SCFD2: variants seen among roughly 807,000 people sequenced by gnomAD.
SCFD2 encodes sec1 family domain containing 2.
In SCFD2, 54 loss-of-function variants were observed where a neutral mutation model predicts 58.9. The observed-to-expected ratio is 0.92, with a 90% CI of 0.74 to 1.15. The LOEUF (loss-of-function observed/expected upper bound fraction) is 1.15, where lower values mean the gene tolerates loss of function less well. SCFD2 is among the 50% of genes most tolerant of loss of function. SCFD2 has a pLI of 0.00. For missense variants in SCFD2, 805 were observed against 836.6 expected (o/e 0.96, Z 0.47); for synonymous variants, 321 against 335.9 (o/e 0.96, Z 0.49).
At position 53,179,162 on chromosome 4, in the gene SCFD2, A is replaced by G. The variant is rs1050069368; in HGVS notation, c.1312-33580T>C. ...GAAATACAGAAAACACCACAAAGAT[A>G]CTCCTCAAGAGGAGCAACTCCAAGA... On this transcript the variant is annotated intron_variant, in intron 4 of 8. Coordinates refer to ENST00000401642, the MANE Select transcript of SCFD2 (RefSeq NM_152540.4). Among the ~76,000 whole-genome samples the G allele has an allele frequency of 3.3e-5, 5 of 152,306 alleles. No homozygotes were observed. The East Asian group carries it at 9.6e-4, about 29-fold the overall frequency.
intron 4 of SCFD2, among the ~76,000 whole-genome samples, chr4:53,253,907 TAAC>T (rs1249720891): frequency 6.4e-5 from 9 of 141,130 alleles, no homozygotes; most frequent in Non-Finnish European, 1.4e-4. Flanking sequence ...AAAAAAAAAA[TAAC>T]AAAGTCAAAA....
chr4:53,016,614 T>C (rs542838991), intron 5 of SCFD2, among the ~76,000 whole-genome samples: 6 of 152,342 alleles, frequency 3.9e-5, no homozygotes, highest in Admixed American at 1.3e-4. Flanking sequence ...ATATTCTTTG[T>C]ACTAGACAAA....
intron 3 of SCFD2, among the ~76,000 whole-genome samples, chr4:53,286,685 C>T (rs1731678192): frequency 6.6e-6 from 1 of 152,192 alleles, no homozygotes; most frequent in African/African-American, 2.4e-5. Flanking sequence ...TGGCACCCTA[C>T]TCTGGGCCAG....
At chr4:52,970,234 T>G (rs978436560) in intron 5 of SCFD2, among the ~76,000 whole-genome samples, 2 of 152,184 alleles carry the variant, frequency 1.3e-5, no homozygotes, top group African/African-American at 4.8e-5. Context: ...CCTCACCCGG[T>G]AAGTGCAAGG....
At position 53,147,542 on chromosome 4, in the gene SCFD2, G is replaced by A. The variant is rs143492539; in HGVS notation, c.1312-1960C>T. On this transcript the variant is annotated intron_variant, in intron 4 of 8. Coordinates refer to ENST00000401642, the MANE Select transcript of SCFD2 (RefSeq NM_152540.4). ...GGACGAGGTAAAAATGGAAAAGAAC[G>A]CAACAGAGATTTTACTGTCACATGG... Among the ~76,000 whole-genome samples the A allele has an allele frequency of 2.3e-3, 343 of 152,292 alleles. 2 individuals carry two copies. Among genetic ancestry groups the A allele is most frequent in the South Asian group, 9.3e-3 (45 of 4,830 alleles).
intron 5 of SCFD2, among the ~76,000 whole-genome samples, chr4:53,092,231 A>G (rs1263263146): frequency 6.6e-6 from 1 of 152,170 alleles, no homozygotes; most frequent in Non-Finnish European, 1.5e-5. Flanking sequence ...GTGGATTTAC[A>G]TTATAATTTG....
intron 2 of SCFD2, among the ~76,000 whole-genome samples, chr4:53,326,800 T>C (rs1334215461): frequency 6.6e-6 from 1 of 152,206 alleles, no homozygotes; most frequent in Non-Finnish European, 1.5e-5. Flanking sequence ...AAGTTGATTT[T>C]CATAGGTCCA....
intron 7 of SCFD2, 71 bp downstream of exon 7, chr4:52,907,386 G>A: frequency 6.8e-7 from 1 of 1,476,762 alleles, no homozygotes; most frequent in Non-Finnish European, 9.5e-7. Context: ...GGTTAACAGG[G>A]TGCCAGCATT....
At chr4:52,988,905 ATGAC>A (rs1275365941) in intron 5 of SCFD2, among the ~76,000 whole-genome samples, 4 of 152,206 alleles carry the variant, frequency 2.6e-5, no homozygotes, top group African/African-American at 9.7e-5. Context: ...AAAGATATGT[ATGAC>A]TATTTGCTGT....
chr4:53,058,288 T>C (rs759326796), intron 5 of SCFD2, among the ~76,000 whole-genome samples: 3 of 152,116 alleles, frequency 2.0e-5, no homozygotes, highest in Non-Finnish European at 4.4e-5. Flanking sequence ...ATTAATGTTA[T>C]ATCCCCAACT....
At chr4:53,202,554 T>A (rs1265435188) in intron 4 of SCFD2, among the ~76,000 whole-genome samples, 2 of 152,060 alleles carry the variant, frequency 1.3e-5, no homozygotes, top group Non-Finnish European at 2.9e-5. Context: ...TTTTTCCAAT[T>A]CTGTGTAGAA....
At chr4:53,144,593 C>A (rs1174973203) in intron 5 of SCFD2, among the ~76,000 whole-genome samples, 3 of 148,698 alleles carry the variant, frequency 2.0e-5, no homozygotes, top group Non-Finnish European at 4.5e-5. Context: ...TGGCAATTTC[C>A]AATCCTATAA....
rs1421019987 is a variant in SCFD2 at position 53,349,704 on chromosome 4, AT to A, written c.1007+2893del. Among the ~76,000 whole-genome samples the A allele has an allele frequency of 5.3e-5, 8 of 152,214 alleles. No individual in the cohort carries two copies. The East Asian group carries it at 1.5e-3, about 29-fold the overall frequency. On this transcript the variant is annotated intron_variant, in intron 2 of 8. Transcript: ENST00000401642. ...GTCAAGGTTAAATAAAGTGACTATA[AT>A]CAAAACATTACTTATAGGACTGAAA... is the stretch of plus-strand genomic sequence containing the variant.
At chr4:53,215,628 G>A (rs1052950164) in intron 4 of SCFD2, among the ~76,000 whole-genome samples, 4 of 151,990 alleles carry the variant, frequency 2.6e-5, no homozygotes, top group African/African-American at 9.7e-5. Context: ...CTAACTGAAT[G>A]CCCTTTATTT....
intron 5 of SCFD2, among the ~76,000 whole-genome samples, chr4:53,112,009 A>G (rs1486828901): frequency 6.6e-6 from 1 of 152,132 alleles, no homozygotes; most frequent in Non-Finnish European, 1.5e-5. Context: ...CAACAACAAC[A>G]ACAAATGAAG....
intron 4 of SCFD2, among the ~76,000 whole-genome samples, chr4:53,266,830 T>C (rs1248026828): frequency 6.6e-6 from 1 of 152,240 alleles, no homozygotes; most frequent in African/African-American, 2.4e-5. Flanking sequence ...TGAAGATGCT[T>C]TATCTCCTTC....
chr4:52,964,130 T>C (rs1720909693), intron 5 of SCFD2, among the ~76,000 whole-genome samples: 1 of 152,216 alleles, frequency 6.6e-6, no homozygotes, highest in Admixed American at 6.5e-5. Flanking sequence ...CTTAGCAATG[T>C]TCTGGGCACC....
At chr4:52,919,819 G>A (rs1361800441) in intron 6 of SCFD2, among the ~76,000 whole-genome samples, 2 of 152,184 alleles carry the variant, frequency 1.3e-5, no homozygotes, top group Non-Finnish European at 2.9e-5. Context: ...GCTGCAGTGG[G>A]TAACATTAGC....
intron 5 of SCFD2, among the ~76,000 whole-genome samples, chr4:53,142,363 G>A (rs772187820): frequency 4.6e-5 from 7 of 152,038 alleles, no homozygotes; most frequent in Admixed American, 3.3e-4. Flanking sequence ...ATTGTTAATC[G>A]ATTCCCTATT....
Sources: gnomAD v4.1 joint callset for allele counts (sites outside exome capture counted in the v4.1 genomes callset) on GRCh38, gnomAD v4.1.1 for gene constraint, MANE v1.5 for transcripts, NCBI Gene and HGNC (gene_info 2026-07-23, HGNC 2026-07-21) for gene names.